AFF1: variants seen among roughly 807,000 people sequenced by gnomAD.
AFF1 encodes the protein ALF transcription elongation factor 1, also known as AF4/FMR2 family member 1.
AFF1 carries 48 observed loss-of-function variants against 121.7 expected under a neutral mutation model. The observed-to-expected ratio is 0.39, with a 90% CI of 0.31 to 0.50. The LOEUF is 0.50. Ranked by LOEUF, AFF1 falls within the 20% of genes least tolerant of loss-of-function variation. The pLI, the probability that AFF1 is intolerant of heterozygous loss-of-function variation, is 0.76. For missense variants in AFF1, 1,523 were observed against 1,511.7 expected, an observed-to-expected ratio of 1.01 and a Z score of -0.12; for synonymous variants, 613 against 563.0, an observed-to-expected ratio of 1.09 and a Z score of -1.26.
At chr4:87,011,986 G>A (rs1248063289) in intron 2 of AFF1, among the ~76,000 whole-genome samples, 2 of 152,098 alleles carry the variant, frequency 1.3e-5, no homozygotes, top group African/African-American at 4.8e-5. Context: ...GTTTTTGTGC[G>A]TGCTGCATCT....
intron 1 of AFF1, among the ~76,000 whole-genome samples, chr4:86,938,549 A>G (rs1252039220): frequency 2.0e-5 from 3 of 152,166 alleles, no homozygotes; most frequent in Non-Finnish European, 2.9e-5. Context: ...AAATTCAACA[A>G]TGGTTTCTGA....
chr4:87,046,902 A>T lies in AFF1; in HGVS notation c.367A>T (p.Ile123Phe). Residue 123 changes from isoleucine (I) to phenylalanine (F), a missense_variant, in exon 4 of 21, where the codon ATT becomes TTT. Transcript: ENST00000395146. ...SFHTSVHHQS[I>F]HTPASGPLSV... ...CCACACTAGTGTCCACCACCAGTCCATTCACACTCCTGCGTCTGGACCACT... is the reference window on the plus strand; with the variant it reads ...CCACACTAGTGTCCACCACCAGTCCTTTCACACTCCTGCGTCTGGACCACT... 1 of 1,614,200 alleles carries T rather than the reference A, an allele frequency of 6.2e-7. No homozygotes were observed. Among genetic ancestry groups the T allele is most frequent in the Non-Finnish European group, 8.5e-7 (1 of 1,180,034 alleles).
At chr4:86,995,505 G>A (rs1725078353) in intron 2 of AFF1, among the ~76,000 whole-genome samples, 2 of 151,926 alleles carry the variant, frequency 1.3e-5, no homozygotes, top group African/African-American at 4.8e-5. Flanking sequence ...GTGGAGACGG[G>A]GTTTCGCTGT....
At chr4:86,951,421 A>G (rs1721297896) in intron 2 of AFF1, among the ~76,000 whole-genome samples, 1 of 151,756 alleles carries the variant, frequency 6.6e-6, no homozygotes, top group Non-Finnish European at 1.5e-5. Flanking sequence ...AATTCGTTAC[A>G]GTTCTCTGCA....
intron 2 of AFF1, among the ~76,000 whole-genome samples, chr4:86,998,519 G>T (rs1725426019): frequency 6.6e-6 from 1 of 152,124 alleles, no homozygotes; most frequent in Non-Finnish European, 1.5e-5. Context: ...TCCATTCAGA[G>T]ATACCTACTG....
intron 2 of AFF1, among the ~76,000 whole-genome samples, chr4:86,982,762 C>T (rs886937794): frequency 3.5e-5 from 5 of 143,036 alleles, no homozygotes; most frequent in Non-Finnish European, 4.5e-5. Flanking sequence ...GCAGGAGAAT[C>T]GCTTGAACCC....
intron 2 of AFF1, among the ~76,000 whole-genome samples, chr4:87,017,071 ATGTGTG>A (rs70953640): frequency 2.0e-5 from 2 of 102,512 alleles, no homozygotes; most frequent in African/African-American, 5.7e-5. Context: ...ACATATATAT[ATGTGTG>A]TGTGTGTATG....
chr4:86,988,023 T>C (rs1245101840), intron 2 of AFF1, among the ~76,000 whole-genome samples: 2 of 148,638 alleles, frequency 1.3e-5, no homozygotes, highest in Admixed American at 1.3e-4. Context: ...CCAGAGTTTC[T>C]GATTCAGTAG....
intron 2 of AFF1, among the ~76,000 whole-genome samples, chr4:87,039,639 A>T (rs1303402127): frequency 6.6e-6 from 1 of 152,244 alleles, no homozygotes; most frequent in Non-Finnish European, 1.5e-5. Flanking sequence ...TAACTAAAAT[A>T]CAAATGTGGA....
chr4:87,102,841 T>C (rs1452342765), intron 8 of AFF1, among the ~76,000 whole-genome samples: 2 of 152,220 alleles, frequency 1.3e-5, no homozygotes, highest in Admixed American at 1.3e-4. Context: ...ACAGAGGTGC[T>C]CACCCAGGTG....
chr4:86,966,314 TC>T (rs1412672491), intron 2 of AFF1, among the ~76,000 whole-genome samples: 1 of 152,200 alleles, frequency 6.6e-6, no homozygotes, highest in Non-Finnish European at 1.5e-5. Context: ...ACAATCTGGC[TC>T]CTGTGCCTTG....
In AFF1 at chr4:87,136,121, T is replaced by C. The variant is rs2149808903; in HGVS notation, c.*420T>C. The C allele has an allele frequency of 8.5e-6, 2 of 235,274 alleles. No homozygotes were observed. The highest frequency in any genetic ancestry group is 1.3e-3 in the Middle Eastern group (1 of 792). 14.6% of individuals were successfully genotyped at this position (235,274 alleles called of 1,614,324 possible). ...CTAGTCCATTCCCAGAAGGAAATTTTTTTTTTTAACAATGACTTTTGGTAA... is the reference window on the plus strand; with the variant it reads ...CTAGTCCATTCCCAGAAGGAAATTTCTTTTTTTAACAATGACTTTTGGTAA... On this transcript the variant is annotated 3_prime_UTR_variant, in exon 21 of 21. Transcript: ENST00000395146.
intron 2 of AFF1, among the ~76,000 whole-genome samples, chr4:87,029,845 G>A (rs1196022905): frequency 1.3e-5 from 2 of 152,162 alleles, no homozygotes; most frequent in Non-Finnish European, 2.9e-5. Context: ...TTGTGAAAAG[G>A]TCAAGCTTTG....
Position 87,076,235 on chromosome 4 carries a change from T to A in AFF1, c.1060-7885T>A, listed in dbSNP as rs148897194. On this transcript the variant is annotated intron_variant, in intron 4 of 20. Transcript: ENST00000395146. ...AGATAACTGTAGGTGACCTAGAGAT[T>A]CCTCATTATTTTAAAATAATCTTTT... 1.9e-3 allele frequency among the ~76,000 whole-genome samples: 276 copies of A among 146,126 alleles called. 2 individuals carry two copies. The highest frequency in any genetic ancestry group is 6.9e-3 in the Middle Eastern group (2 of 290).
intron 4 of AFF1, chr4:87,049,799 T>G (rs1427037173): frequency 4.4e-6 from 2 of 454,836 alleles, no homozygotes; most frequent in Admixed American, 2.4e-5. Flanking sequence ...GTCAGACAGA[T>G]GGAGGGCTCT....
intron 10 of AFF1, among the ~76,000 whole-genome samples, chr4:87,107,656 G>T (rs1726053736): frequency 6.6e-6 from 1 of 152,146 alleles, no homozygotes. Flanking sequence ...ATTTGATTTG[G>T]TTATGTGTAA....
intron 2 of AFF1, among the ~76,000 whole-genome samples, chr4:86,972,379 C>G (rs1689620423): frequency 6.6e-6 from 1 of 151,858 alleles, no homozygotes. Context: ...AGTCATTGGC[C>G]ATATGTGACT....
At position 87,047,280 on chromosome 4, in the gene AFF1, C is replaced by G; in HGVS notation, c.745C>G (p.Pro249Ala). 1 of 1,614,086 alleles carries G rather than the reference C, an allele frequency of 6.2e-7. No homozygotes were observed. The highest frequency in any genetic ancestry group is 8.5e-7 in the Non-Finnish European group (1 of 1,180,024). ...CAGCAATAACAGTAAAGGCTATTGC[C>G]CAGCCAAATCTCCCAAGGACCTAGC... is the stretch of plus-strand genomic sequence containing the variant. ...GSSNNSKGYC[P>A]AKSPKDLAVK... is the part of the protein sequence containing the mutation. The change falls in exon 4 of 21, where the codon CCA (proline) becomes GCA (alanine). Residue 249 changes from proline to alanine, a missense_variant. By Grantham distance (27) the Pro-to-Ala change is conservative. Transcript: ENST00000395146.
chr4:86,952,952 C>A (rs1443367226), intron 2 of AFF1, among the ~76,000 whole-genome samples: 1 of 147,718 alleles, frequency 6.8e-6, no homozygotes, highest in East Asian at 2.0e-4. Context: ...TGTTCCCCTC[C>A]ACCCCCACTA....
Sources: gnomAD v4.1 joint callset for allele counts (sites outside exome capture counted in the v4.1 genomes callset) on GRCh38, gnomAD v4.1.1 for gene constraint, MANE v1.5 for transcripts, NCBI Gene and HGNC (gene_info 2026-07-23, HGNC 2026-07-21) for gene names.